The following ECE2 variants were observed in gnomAD, a reference collection of about 807,000 sequenced individuals.
The protein encoded by ECE2 is endothelin converting enzyme 2.
In ECE2, 81 loss-of-function variants were observed where a neutral mutation model predicts 100.6. That is an observed-to-expected ratio of 0.81 (90% CI 0.67 to 0.97). The LOEUF (loss-of-function observed/expected upper bound fraction) is 0.97. Among genes scored for constraint, ECE2 ranks in the 50% least tolerant of loss-of-function variants. ECE2 has a pLI of 0.00. For synonymous variants in ECE2, 391 were observed against 391.5 expected, an observed-to-expected ratio of 1.00 and a Z score of 0.02; for missense variants, 911 against 988.1, an observed-to-expected ratio of 0.92 and a Z score of 1.05.
chr3:184,281,395 C>A (rs913530965), intron 7 of ECE2, among the ~76,000 whole-genome samples: 2 of 152,168 alleles, frequency 1.3e-5, no homozygotes, highest in East Asian at 3.9e-4. Flanking sequence ...GAGGGCTCTA[C>A]AAAGGCAACA....
In ECE2 at chr3:184,291,610, G is replaced by A; in HGVS notation, c.2121+171G>A. On this transcript the variant is annotated intron_variant, in intron 18 of 18. Transcript: ENST00000404464. The surrounding 1 kb of genome is among the most constrained non-coding windows in gnomAD (Gnocchi z 4.1). ...TGCCCAGAGCCTCCGGCCAGCCAGG[G>A]CCCACAAAGGCAGCCTGAAGAGGCC... 1 of 626,508 alleles carries A rather than the reference G, an allele frequency of 1.6e-6. No homozygotes were observed. Among genetic ancestry groups the A allele is most frequent in the Non-Finnish European group, 2.7e-6 (1 of 376,838 alleles). 38.8% of individuals were successfully genotyped at this position (626,508 alleles called of 1,614,324 possible). A position where few individuals can be genotyped will look rare whatever the true frequency, so the allele number is the denominator to read the frequency against.
chr3:184,282,730 T>C (rs890051976), intron 7 of ECE2, among the ~76,000 whole-genome samples: 1 of 152,126 alleles, frequency 6.6e-6, no homozygotes, highest in African/African-American at 2.4e-5. Flanking sequence ...ATCTGCTAGT[T>C]TGTGATGGAA....
chr3:184,285,731 G>A (rs978038646), intron 10 of ECE2, 139 bp downstream of exon 10: 26 of 648,348 alleles, frequency 4.0e-5, no homozygotes, highest in Middle Eastern at 3.0e-4. Flanking sequence ...GCCGACTTGC[G>A]TTTCAATCCC....
In ECE2 at chr3:184,291,681, A is replaced by G; in HGVS notation, c.2121+242A>G. The G allele has an allele frequency of 2.1e-6, 1 of 465,956 alleles. No individual in the cohort carries two copies. Among genetic ancestry groups the G allele is most frequent in the Non-Finnish European group, 3.8e-6 (1 of 265,286 alleles). 28.9% of individuals were successfully genotyped at this position (465,956 alleles called of 1,614,324 possible). On this transcript the variant is annotated intron_variant, in intron 18 of 18. Transcript: ENST00000404464. This position sits in a 1 kb window ranked among gnomAD's most constrained non-coding sequence, Gnocchi z 4.1. Reference sequence around the variant, plus strand: ...TAGGATTTCGCATAGTTCAAAGGGCAAGGTTGTCGTGCTTGCGGGGCACAG... The same window carrying G: ...TAGGATTTCGCATAGTTCAAAGGGCGAGGTTGTCGTGCTTGCGGGGCACAG...
chr3:184,288,443 C>T (rs1304340549), intron 11 of ECE2, among the ~76,000 whole-genome samples: 1 of 151,486 alleles, frequency 6.6e-6, no homozygotes, highest in Non-Finnish European at 1.5e-5. Flanking sequence ...TTATGTTTAA[C>T]TATATAACTA....
At chr3:184,280,473 C>T (rs935551434) in intron 7 of ECE2, among the ~76,000 whole-genome samples, 3 of 152,270 alleles carry the variant, frequency 2.0e-5, no homozygotes, top group African/African-American at 7.2e-5. Flanking sequence ...ACAGAGAGGT[C>T]AGCAGGCAGC....
rs368864270 is a variant in ECE2, at chr3:184,292,112, C to T, written c.2172C>T (p.Thr724=). Residue 724 remains threonine, a synonymous_variant, in exon 19 of 19, where the codon ACC becomes ACT. Coordinates refer to ENST00000404464, the MANE Select transcript of ECE2 (RefSeq NM_001100121.2). Reference sequence around the variant, plus strand: ...AGAGCTCTCACGAGGGGCTGGTGACCGACCCCCACAGCCCTGCCCGCTTCC... The same window carrying T: ...AGAGCTCTCACGAGGGGCTGGTGACTGACCCCCACAGCCCTGCCCGCTTCC... ...TPESSHEGLV[T]DPHSPARFRV... is the part of the protein sequence containing the mutation. 98 of 1,613,896 alleles carry T rather than the reference C, an allele frequency of 6.1e-5. No homozygotes were observed. The highest frequency in any genetic ancestry group is 7.6e-5 in the Non-Finnish European group (90 of 1,180,018).
intron 7 of ECE2, 109 bp downstream of exon 7, chr3:184,278,666 G>GC: frequency 8.9e-7 from 1 of 1,126,546 alleles, no homozygotes. Flanking sequence ...AGCCTATCCT[G>GC]TCACCTAGTG....
In ECE2 at chr3:184,276,287, C is replaced by G. The variant is rs572231153; in HGVS notation, c.39+95C>G. 8.5e-6 allele frequency: 12 copies of G among 1,413,006 alleles called. No homozygotes were observed. The Admixed American group carries it at 3.0e-4, about 35-fold the overall frequency. 87.5% of individuals were successfully genotyped at this position (1,413,006 alleles called of 1,614,324 possible). A position where few individuals can be genotyped will look rare whatever the true frequency, so the allele number is the denominator to read the frequency against. On this transcript the variant is annotated intron_variant, in intron 1 of 18. Coordinates refer to ENST00000404464, the MANE Select transcript of ECE2 (RefSeq NM_001100121.2). ...GGAGGGGCAGGCGGTGCCCGGCTCG[C>G]GGAGGTAAGGCTGCCTCCCGGGCCT...
Position 184,292,138 on chromosome 3 carries a change from G to A in ECE2, c.2198G>A (p.Arg733His), listed in dbSNP as rs778632004. 2.3e-5 allele frequency: 37 copies of A among 1,613,938 alleles called. No homozygotes were observed. The highest frequency in any genetic ancestry group is 2.5e-5 in the Non-Finnish European group (29 of 1,180,040). The change falls in exon 19 of 19, where the codon CGC becomes CAC. Residue 733 changes from arginine to histidine, a missense_variant. Physicochemically the swap from Arg to His is conservative, Grantham distance 29. Coordinates refer to ENST00000404464, the MANE Select transcript of ECE2 (RefSeq NM_001100121.2). ...GACCCCCACAGCCCTGCCCGCTTCCGCGTGCTGGGCACTCTCTCCAACTCC... is the reference window on the plus strand; with the variant it reads ...GACCCCCACAGCCCTGCCCGCTTCCACGTGCTGGGCACTCTCTCCAACTCC... ...VTDPHSPARF[R>H]VLGTLSNSRD...
At position 184,285,030 on chromosome 3, in the gene ECE2, ACT is replaced by A. The variant is rs1346135507; in HGVS notation, c.1076_1077del (p.Ser359Ter). On this transcript the variant is annotated frameshift_variant, in exon 9 of 19. Coordinates refer to ENST00000404464, the MANE Select transcript of ECE2 (RefSeq NM_001100121.2). LOFTEE classifies it high-confidence loss of function. Reference sequence around the variant, plus strand: ...TTGCTGTCACCATTGGAGTTGAGTGACTCTGAGCCTGTGGTGGTGTATGGGAT... The same window carrying A: ...TTGCTGTCACCATTGGAGTTGAGTGACTGAGCCTGTGGTGGTGTATGGGAT... 6 of 1,613,720 alleles carry A rather than the reference ACT, an allele frequency of 3.7e-6. No homozygotes were observed. In the African/African-American group the frequency reaches 8.0e-5, roughly 22 times the overall value.
Position 184,278,485 on chromosome 3 carries a change from A to G in ECE2, c.751-7A>G, listed in dbSNP as rs376836849. ...GAGGGGCTCACCTCCTTTCCTTGAC[A>G]TTGCAGGTGGACCAGTCTGGGCTCT... On this transcript the variant is annotated splice_polypyrimidine_tract_variant and splice_region_variant and intron_variant, in intron 6 of 18. Transcript: ENST00000404464. 188 of 1,613,538 alleles carry G rather than the reference A, an allele frequency of 1.2e-4. 1 individual carries two copies. In the African/African-American group the frequency reaches 2.2e-3, roughly 19 times the overall value.
chr3:184,290,269 A>T lies in ECE2; in HGVS notation c.1566A>T (p.Glu522Asp). The change falls in exon 14 of 19, where the codon GAA becomes GAT. Residue 522 changes from glutamate to aspartate, a missense_variant. Physicochemically the swap from Glu to Asp is conservative, Grantham distance 45. Coordinates refer to ENST00000404464, the MANE Select transcript of ECE2 (RefSeq NM_001100121.2). ...DDVYDGYEIS[E>D]DSFFQNMLNL... The stretch of plus-strand genomic sequence containing the variant: ...CTTTCCCACAGTACGAAATTTCTGA[A>T]GATTCTTTCTTCCAAAACATGTTGA... 1 of 1,613,920 alleles carries T rather than the reference A, an allele frequency of 6.2e-7. No homozygotes were observed. Among genetic ancestry groups the T allele is most frequent in the East Asian group, 2.2e-5 (1 of 44,876 alleles).
chr3:184,279,953 G>A (rs1560182701), intron 7 of ECE2, among the ~76,000 whole-genome samples: 2 of 149,050 alleles, frequency 1.3e-5, no homozygotes, highest in African/African-American at 2.5e-5. Flanking sequence ...GAGCATCTGC[G>A]GTACTCCGTG....
At chr3:184,276,217 G>C in intron 1 of ECE2, 25 bp downstream of exon 1, 1 of 1,441,280 alleles carries the variant, frequency 6.9e-7, no homozygotes, top group Non-Finnish European at 9.1e-7. Context: ...CGGGCTCCAC[G>C]GGAGGGGACT....
chr3:184,279,473 A>T (rs843374), intron 7 of ECE2, among the ~76,000 whole-genome samples: 102,321 of 151,410 alleles, frequency 0.68, 35,627 homozygotes, highest in African/African-American at 0.85. Flanking sequence ...CTGGCCTACA[A>T]GGTGAAAACC....
rs1720529423 is a variant in ECE2 at position 184,276,087 on chromosome 3, C to T, written c.-67C>T. On this transcript the variant is annotated 5_prime_UTR_variant, in exon 1 of 19. Coordinates refer to ENST00000404464, the MANE Select transcript of ECE2 (RefSeq NM_001100121.2). ...GTGACGGCGGGGCCGGGCAGGGGAC[C>T]GGGGCCGCGGCCCGGGAGCGGGCCA... 1 of 1,249,696 alleles carries T rather than the reference C, an allele frequency of 8.0e-7. No individual in the cohort carries two copies. The highest frequency in any genetic ancestry group is 1.0e-6 in the Non-Finnish European group (1 of 997,886). 77.4% of individuals were successfully genotyped at this position (1,249,696 alleles called of 1,614,324 possible).
In ECE2 at chr3:184,276,998, T is replaced by C. The variant is rs778852694; in HGVS notation, c.233T>C (p.Leu78Pro). ...CTGGCTGCACTGCTTCTGGGCTGCC[T>C]TGTGGCCCTAGGGGTCCAGTACCAC... ...LLLAALLLGC[L>P]VALGVQYHRD... Residue 78 changes from leucine to proline, a missense_variant, in exon 3 of 19, where the codon CTT (leucine) becomes CCT (proline). By Grantham distance (98) the Leu-to-Pro change is moderately conservative (BLOSUM62 -3). Transcript: ENST00000404464. The C allele has an allele frequency of 6.2e-7, 1 of 1,614,090 alleles. No homozygotes were observed. The highest frequency in any genetic ancestry group is 2.2e-5 in the East Asian group (1 of 44,880).
At chr3:184,287,000 G>A (rs567080571) in intron 10 of ECE2, among the ~76,000 whole-genome samples, 4 of 151,464 alleles carry the variant, frequency 2.6e-5, no homozygotes, top group African/African-American at 4.8e-5. Context: ...CAGGCAGGGC[G>A]CCGTAGCTCA....
Sources: allele counts gnomAD v4.1 joint callset (sites outside exome capture counted in the v4.1 genomes callset), GRCh38; gene constraint gnomAD v4.1.1; non-coding constraint Gnocchi (gnomAD v3.1); transcripts MANE v1.5; gene names NCBI Gene and HGNC (gene_info 2026-07-23, HGNC 2026-07-21).